Variants in TRUB1 observed in about 807,000 individuals in gnomAD.
TRUB1 encodes the protein pseudouridylate synthase TRUB1.
In TRUB1, 23 loss-of-function variants were observed where a neutral mutation model predicts 33.9. That is an observed-to-expected ratio of 0.68 (90% confidence interval 0.49 to 0.96). The LOEUF (loss-of-function observed/expected upper bound fraction) is 0.96, where lower values mean the gene tolerates loss of function less well. Ranked by LOEUF, TRUB1 falls within the 40% of genes least tolerant of loss-of-function variation. TRUB1 has a pLI of 0.00. For missense variants in TRUB1, 378 were observed against 422.2 expected (o/e 0.90, Z 0.92); for synonymous variants, 163 against 165.4 (o/e 0.99, Z 0.11).
chr10:114,976,211 T>G lies in TRUB1; in HGVS notation c.*832T>G, dbSNP rs2084359523. On this transcript the variant is annotated 3_prime_UTR_variant, in exon 8 of 8. Coordinates refer to ENST00000298746, the MANE Select transcript of TRUB1 (RefSeq NM_139169.5). The stretch of plus-strand genomic sequence containing the variant: ...AACTAAAAACTTTATTCTTTAGCAT[T>G]TATTTATATTTCTCTGTAGGGTGTT... 7.4e-6 allele frequency: 1 copy of G among 134,858 alleles called. No individual in the cohort carries two copies. Among genetic ancestry groups the G allele is most frequent in the Non-Finnish European group, 1.6e-5 (1 of 64,320 alleles). The allele number at this position is 134,858 out of a possible 1,614,324, so 8.4% of individuals were successfully genotyped here. A position where few individuals can be genotyped will look rare whatever the true frequency, so the allele number is the denominator to read the frequency against.
chr10:114,953,155 G>A (rs1451930932), intron 3 of TRUB1, among the ~76,000 whole-genome samples: 2 of 152,050 alleles, frequency 1.3e-5, no homozygotes, highest in South Asian at 4.1e-4. Context: ...GAAATATTAT[G>A]ACTGAAAATG....
intron 3 of TRUB1, among the ~76,000 whole-genome samples, chr10:114,953,175 CATT>C (rs2084244863): frequency 6.6e-6 from 1 of 152,062 alleles, no homozygotes; most frequent in Non-Finnish European, 1.5e-5. Context: ...GTAAATACAT[CATT>C]GACTCTGGTA....
chr10:114,940,241 C>T (rs1209494392), intron 1 of TRUB1, among the ~76,000 whole-genome samples: 1 of 152,170 alleles, frequency 6.6e-6, no homozygotes, highest in African/African-American at 2.4e-5. Flanking sequence ...CCTGCCTCAG[C>T]CTCCCAAGTA....
chr10:114,958,254 C>T (rs1159445245), intron 3 of TRUB1, among the ~76,000 whole-genome samples: 1 of 152,118 alleles, frequency 6.6e-6, no homozygotes, highest in Non-Finnish European at 1.5e-5. Context: ...AATATAGAAG[C>T]AGGAATGGGT....
chr10:114,971,023 A>C (rs930478091), intron 5 of TRUB1, among the ~76,000 whole-genome samples: 2 of 152,178 alleles, frequency 1.3e-5, no homozygotes, highest in Non-Finnish European at 2.9e-5. Context: ...ATTTCTCACC[A>C]TTCTGGAGGC....
intron 3 of TRUB1, among the ~76,000 whole-genome samples, chr10:114,953,443 A>G (rs1432237401): frequency 2.0e-5 from 3 of 152,218 alleles, no homozygotes; most frequent in Non-Finnish European, 4.4e-5. Context: ...TTATTTTTTA[A>G]TAAAAAGTAG....
At position 114,975,335 on chromosome 10, in the gene TRUB1, C is replaced by G; in HGVS notation, c.1006C>G (p.Leu336Val). The change falls in exon 8 of 8, where the codon CTA becomes GTA. Residue 336 changes from leucine to valine, a missense_variant. Leu to Val is a conservative substitution (Grantham distance 32). Transcript: ENST00000298746. ...GGTTTTGAGCTGTGAATATATAACT[C>G]TAAATGAGCCAAAGAGAGAAGATGA... is the stretch of plus-strand genomic sequence containing the variant. ...EQVLSCEYITLNEPKREDDVI... is the reference protein window; with the variant it reads ...EQVLSCEYITVNEPKREDDVI... The G allele has an allele frequency of 1.2e-6, 2 of 1,605,480 alleles. No individual in the cohort carries two copies. The highest frequency in any genetic ancestry group is 1.7e-6 in the Non-Finnish European group (2 of 1,175,372).
At chr10:114,974,064 A>G (rs1253733857) in intron 6 of TRUB1, among the ~76,000 whole-genome samples, 1 of 152,210 alleles carries the variant, frequency 6.6e-6, no homozygotes, top group Non-Finnish European at 1.5e-5. Context: ...TAAATGAACA[A>G]GGCTGAAGTA....
intron 4 of TRUB1, among the ~76,000 whole-genome samples, chr10:114,967,765 A>G (rs975583326): frequency 3.3e-5 from 5 of 152,198 alleles, no homozygotes; most frequent in Non-Finnish European, 7.3e-5. Flanking sequence ...TACTTATGTC[A>G]TAAGAACGAT....
At chr10:114,940,608 A>C (rs1331570995) in intron 1 of TRUB1, among the ~76,000 whole-genome samples, 1 of 152,238 alleles carries the variant, frequency 6.6e-6, no homozygotes, top group Non-Finnish European at 1.5e-5. Context: ...CTAGAAAATA[A>C]TAAAAATCCA....
At chr10:114,947,202 G>A (rs881191) in intron 2 of TRUB1, among the ~76,000 whole-genome samples, 7,853 of 151,724 alleles carry the variant, frequency 0.052, 252 homozygotes, top group African/African-American at 0.074. Context: ...GGTCCTCTAC[G>A]GAGGCTCTAG....
chr10:114,971,649 C>T (rs2084337236), intron 5 of TRUB1, among the ~76,000 whole-genome samples: 1 of 151,962 alleles, frequency 6.6e-6, no homozygotes. Flanking sequence ...AATTTTATCA[C>T]GAAAAGCTAA....
intron 3 of TRUB1, among the ~76,000 whole-genome samples, chr10:114,957,728 T>C (rs552068344): frequency 3.9e-5 from 6 of 152,312 alleles, no homozygotes; most frequent in Non-Finnish European, 7.3e-5. Context: ...GGGCATTGCA[T>C]ACTTGGGAAA....
chr10:114,943,550 A>G (rs1438026893), intron 2 of TRUB1, among the ~76,000 whole-genome samples: 8 of 151,990 alleles, frequency 5.3e-5, no homozygotes, highest in Non-Finnish European at 1.5e-5. Context: ...AACAAAACAA[A>G]ACACAGCTTT....
intron 1 of TRUB1, among the ~76,000 whole-genome samples, chr10:114,941,337 CT>C (rs34806644): frequency 0.3 from 43,842 of 146,946 alleles, 7,479 homozygotes; most frequent in Middle Eastern, 0.41. Context: ...TTTGCATTAT[CT>C]TTTTTTTTTT....
rs146344436 is a variant in TRUB1 at position 114,971,771 on chromosome 10, T to A, written c.597-364T>A. Among the ~76,000 whole-genome samples the A allele has an allele frequency of 3.6e-4, 55 of 152,296 alleles. No homozygotes were observed. In the East Asian group the frequency reaches 8.5e-3, roughly 24 times the overall value. On this transcript the variant is annotated intron_variant, in intron 5 of 7. Coordinates refer to ENST00000298746, the MANE Select transcript of TRUB1 (RefSeq NM_139169.5). ...TTCAAGGAAATATAGCTGAGAGTAT[T>A]ATGACCAGAGTCTACTAAATTCCTT... is the stretch of plus-strand genomic sequence containing the variant.
intron 2 of TRUB1, among the ~76,000 whole-genome samples, chr10:114,949,792 T>A (rs1340166598): frequency 6.6e-6 from 1 of 152,062 alleles, no homozygotes; most frequent in Non-Finnish European, 1.5e-5. Context: ...TTGGTTTGAA[T>A]CTTAACTCTA....
At chr10:114,939,322 A>T (rs1473477547) in intron 1 of TRUB1, among the ~76,000 whole-genome samples, 1 of 152,252 alleles carries the variant, frequency 6.6e-6, no homozygotes, top group Non-Finnish European at 1.5e-5. Flanking sequence ...ACAATAAGCC[A>T]GGTCTGTGCT....
chr10:114,944,479 T>C (rs755656626), intron 2 of TRUB1, among the ~76,000 whole-genome samples: 17 of 152,176 alleles, frequency 1.1e-4, no homozygotes, highest in Non-Finnish European at 2.5e-4. Flanking sequence ...GCCAACATGG[T>C]GAGACCCTGT....
Sources: allele counts gnomAD v4.1 joint callset (sites outside exome capture counted in the v4.1 genomes callset), GRCh38; gene constraint gnomAD v4.1.1; transcripts MANE v1.5; gene names NCBI Gene and HGNC (gene_info 2026-07-23, HGNC 2026-07-21).